TASP1: variants seen among roughly 807,000 people sequenced by gnomAD.
The protein encoded by TASP1 is taspase 1.
In TASP1, 16 loss-of-function variants were observed where a neutral mutation model predicts 56.6. The ratio of observed to expected loss-of-function variants is 0.28; its 90% CI spans 0.19 to 0.43. TASP1 has a LOEUF of 0.43. TASP1 is among the 20% of genes least tolerant of loss of function. The pLI is 1.00. For missense variants in TASP1, 393 were observed against 511.6 expected, an observed-to-expected ratio of 0.77 and a Z score of 2.24; for synonymous variants, 179 against 184.2, an observed-to-expected ratio of 0.97 and a Z score of 0.23.
the TASP1 span, among the ~76,000 whole-genome samples, chr20:13,344,724 C>T: frequency 6.6e-6 from 1 of 152,188 alleles, no homozygotes; most frequent in African/African-American, 2.4e-5. Flanking sequence ...TTGCCTTCCT[C>T]ATGTTCCCCG....
the TASP1 span, among the ~76,000 whole-genome samples, chr20:13,133,903 C>A: frequency 3.3e-5 from 5 of 152,302 alleles, no homozygotes; most frequent in Non-Finnish European, 7.4e-5. Flanking sequence ...TTTATTCAAC[C>A]TTTACTCAGC....
the TASP1 span, among the ~76,000 whole-genome samples, chr20:13,262,877 C>T: frequency 5.9e-5 from 9 of 152,174 alleles, no homozygotes; most frequent in African/African-American, 2.2e-4. Flanking sequence ...AGATAATAAA[C>T]GAGGTCACTG....
chr20:13,332,441 A>G, the TASP1 span, among the ~76,000 whole-genome samples: 1 of 152,212 alleles, frequency 6.6e-6, no homozygotes, highest in Non-Finnish European at 1.5e-5. Context: ...GAATTTTATC[A>G]TTCATCTTTA....
At chr20:13,443,171 A>T (rs2043284312) in intron 11 of TASP1, among the ~76,000 whole-genome samples, 1 of 152,188 alleles carries the variant, frequency 6.6e-6, no homozygotes, top group African/African-American at 2.4e-5. Flanking sequence ...TGGCCTAGTT[A>T]ATCTTCTACA....
the TASP1 span, among the ~76,000 whole-genome samples, chr20:13,188,129 C>CT: frequency 6.6e-6 from 1 of 152,098 alleles, no homozygotes; most frequent in Non-Finnish European, 1.5e-5. Context: ...AGCCTTTCCT[C>CT]TAAGATTAAG....
At chr20:13,174,563 G>A in the TASP1 span, among the ~76,000 whole-genome samples, 1 of 152,078 alleles carries the variant, frequency 6.6e-6, no homozygotes, top group Non-Finnish European at 1.5e-5. Context: ...GCCAGGCATA[G>A]TGGCATGCGC....
the TASP1 span, among the ~76,000 whole-genome samples, chr20:13,188,639 C>T: frequency 6.6e-6 from 1 of 152,200 alleles, no homozygotes; most frequent in East Asian, 1.9e-4. Flanking sequence ...ATGTAATCCC[C>T]ATCAAATAAC....
At chr20:13,371,110 A>G in the TASP1 span, among the ~76,000 whole-genome samples, 1 of 151,970 alleles carries the variant, frequency 6.6e-6, no homozygotes, top group African/African-American at 2.4e-5. Context: ...GATCTTTTTG[A>G]CAAACCAACT....
chr20:13,582,514 T>G (rs78341474), intron 5 of TASP1, among the ~76,000 whole-genome samples: 2 of 151,974 alleles, frequency 1.3e-5, no homozygotes, highest in Non-Finnish European at 2.9e-5. Flanking sequence ...AAAATAAAAC[T>G]TTGAAAAAGA....
chr20:13,399,478 C>A (rs1247483223), intron 13 of TASP1, among the ~76,000 whole-genome samples: 1 of 152,152 alleles, frequency 6.6e-6, no homozygotes, highest in Non-Finnish European at 1.5e-5. Context: ...TTCTTCCTCA[C>A]CCTAGTAAAT....
the TASP1 span, among the ~76,000 whole-genome samples, chr20:13,152,726 T>C: frequency 6.6e-6 from 1 of 152,076 alleles, no homozygotes; most frequent in Admixed American, 6.6e-5. Flanking sequence ...TACCACCTTG[T>C]AGAAAAGAGG....
the TASP1 span, among the ~76,000 whole-genome samples, chr20:13,379,192 T>C: frequency 6.6e-6 from 1 of 152,236 alleles, no homozygotes; most frequent in Non-Finnish European, 1.5e-5. Flanking sequence ...CAATTTGATA[T>C]GTTTTTGCAG....
At chr20:13,534,180 G>A in intron 8 of TASP1, 39 bp from the exon 9 acceptor site, 1 of 1,609,872 alleles carries the variant, frequency 6.2e-7, no homozygotes, top group Admixed American at 1.7e-5. Context: ...ACTAGGCATG[G>A]AGTGGGACAA....
At chr20:13,271,766 C>G in the TASP1 span, among the ~76,000 whole-genome samples, 4 of 152,176 alleles carry the variant, frequency 2.6e-5, no homozygotes, top group Non-Finnish European at 5.9e-5. Context: ...AACTCTCGTC[C>G]TCATATGCCT....
the TASP1 span, among the ~76,000 whole-genome samples, chr20:13,242,880 A>G: frequency 0.25 from 37,704 of 152,070 alleles, 4,760 homozygotes; most frequent in African/African-American, 0.3. Flanking sequence ...TTTTTGTCAT[A>G]TACTTAAATA....
At chr20:13,594,375 T>C (rs1315707938) in intron 4 of TASP1, among the ~76,000 whole-genome samples, 1 of 152,160 alleles carries the variant, frequency 6.6e-6, no homozygotes, top group Non-Finnish European at 1.5e-5. Flanking sequence ...GGAGAATGAC[T>C]TTGAGGAGAT....
chr20:13,362,148 T>C, the TASP1 span, among the ~76,000 whole-genome samples: 3 of 149,442 alleles, frequency 2.0e-5, no homozygotes, highest in Non-Finnish European at 4.4e-5. Flanking sequence ...TCGCCCATTC[T>C]CTCTCCGCAC....
intron 4 of TASP1, among the ~76,000 whole-genome samples, chr20:13,612,553 G>C (rs1443373709): frequency 6.6e-6 from 1 of 151,284 alleles, no homozygotes; most frequent in Non-Finnish European, 1.5e-5. Context: ...AAGCGCATGG[G>C]AGGTGGGGCT....
intron 1 of TASP1, among the ~76,000 whole-genome samples, chr20:13,633,782 A>G (rs556740839): frequency 6.6e-6 from 1 of 152,148 alleles, no homozygotes; most frequent in Non-Finnish European, 1.5e-5. Context: ...ACTCAACACA[A>G]AAGATTTCCA....
Sources: gnomAD v4.1 joint callset for allele counts (sites outside exome capture counted in the v4.1 genomes callset) on GRCh38, gnomAD v4.1.1 for gene constraint, MANE v1.5 for transcripts, NCBI Gene and HGNC (gene_info 2026-07-23, HGNC 2026-07-21) for gene names.